KCNMA1: variants seen among roughly 807,000 people sequenced by gnomAD.
KCNMA1 encodes the protein potassium calcium-activated channel subfamily M alpha 1, also known as Calcium-activated potassium channel subunit alpha-1.
KCNMA1 carries 29 observed loss-of-function variants against 140.0 expected under a neutral mutation model. The ratio of observed to expected loss-of-function variants is 0.21; its 90% CI spans 0.15 to 0.28. The LOEUF (loss-of-function observed/expected upper bound fraction) is 0.28, where lower values mean the gene tolerates loss of function less well. Ranked by LOEUF, KCNMA1 falls within the 10% of genes least tolerant of loss-of-function variation. KCNMA1 has a pLI of 1.00. For missense variants in KCNMA1, 880 were observed against 1,602.2 expected (o/e 0.55, Z 7.70); for synonymous variants, 612 against 611.9 (o/e 1.00, Z 0.00).
At position 77,417,805 on chromosome 10, in the gene KCNMA1, C is replaced by A. The variant is rs535106640; in HGVS notation, c.379-13782G>T. On this transcript the variant is annotated intron_variant, in intron 1 of 27. Transcript: ENST00000286628. ...CTGTCCCAATTAGGTCGTCAGACAG[C>A]CTTTCCCCACACTTAAGATGATCCC... Among the ~76,000 whole-genome samples, 90 of 152,164 alleles carry A rather than the reference C, an allele frequency of 5.9e-4. 1 individual carries two copies. Among genetic ancestry groups the A allele is most frequent in the African/African-American group, 2.1e-3 (86 of 41,498 alleles).
intron 1 of KCNMA1, among the ~76,000 whole-genome samples, chr10:77,447,543 C>T (rs1239922413): frequency 6.6e-6 from 1 of 152,240 alleles, no homozygotes; most frequent in Non-Finnish European, 1.5e-5. Flanking sequence ...GGCACACTCA[C>T]AGCAGCTGCT....
intron 2 of KCNMA1, among the ~76,000 whole-genome samples, chr10:77,270,185 G>A (rs1033373804): frequency 1.6e-4 from 25 of 152,194 alleles, no homozygotes; most frequent in Non-Finnish European, 3.4e-4. Flanking sequence ...ACAGGCAAGG[G>A]CAGAAGGCAG....
At chr10:77,546,529 T>C (rs2061497524) in intron 1 of KCNMA1, among the ~76,000 whole-genome samples, 1 of 152,246 alleles carries the variant, frequency 6.6e-6, no homozygotes, top group Admixed American at 6.5e-5. Context: ...GAGCTATCCA[T>C]GTCCCAGGCC....
chr10:77,578,280 GA>G (rs1408326252), intron 1 of KCNMA1, among the ~76,000 whole-genome samples: 1 of 152,240 alleles, frequency 6.6e-6, no homozygotes, highest in African/African-American at 2.4e-5. Context: ...CTAAGGGTCA[GA>G]AAACCAGAAC....
intron 1 of KCNMA1, among the ~76,000 whole-genome samples, chr10:77,523,867 C>T (rs1306579771): frequency 2.6e-5 from 4 of 152,114 alleles, no homozygotes; most frequent in Non-Finnish European, 1.5e-5. Flanking sequence ...GAATGAATAA[C>T]ACCTACTATC....
At chr10:77,585,411 T>C (rs1204881386) in intron 1 of KCNMA1, among the ~76,000 whole-genome samples, 1 of 152,210 alleles carries the variant, frequency 6.6e-6, no homozygotes, top group East Asian at 1.9e-4. Flanking sequence ...ACAACATTTA[T>C]TTTACTCAAA....
chr10:77,072,744 G>C (rs2153709027), intron 14 of KCNMA1, among the ~76,000 whole-genome samples: 1 of 152,240 alleles, frequency 6.6e-6, no homozygotes, highest in South Asian at 2.1e-4. Context: ...TGATATAAAA[G>C]AGCAAAATGA....
At position 77,634,309 on chromosome 10, in the gene KCNMA1, C is replaced by G. The variant is rs148707579; in HGVS notation, c.378+2956G>C. ...GGAATGACTGTGACCAAGTTCCCAACAGGAGGAAATTGTAATGTTTTCTTC... is the reference window on the plus strand; with the variant it reads ...GGAATGACTGTGACCAAGTTCCCAAGAGGAGGAAATTGTAATGTTTTCTTC... On this transcript the variant is annotated intron_variant, in intron 1 of 27. Transcript: ENST00000286628. The G allele has an allele frequency of 1.6e-5, 16 of 985,440 alleles. No individual in the cohort carries two copies. The African/African-American group carries it at 1.9e-4, about 12-fold the overall frequency. The allele number at this position is 985,440 out of a possible 1,614,324, so 61.0% of individuals were successfully genotyped here. A position where few individuals can be genotyped will look rare whatever the true frequency, so the allele number is the denominator to read the frequency against.
intron 2 of KCNMA1, among the ~76,000 whole-genome samples, chr10:77,302,000 G>C (rs1038666279): frequency 1.3e-5 from 2 of 151,924 alleles, no homozygotes; most frequent in East Asian, 1.9e-4. Context: ...GCAAAGTGGA[G>C]ACAAGCTGCC....
At chr10:77,506,644 G>GGAGAGA (rs36130333) in intron 1 of KCNMA1, among the ~76,000 whole-genome samples, 2 of 37,898 alleles carry the variant, frequency 5.3e-5, no homozygotes, top group East Asian at 9.0e-4. Flanking sequence ...AGACAGAGAG[G>GGAGAGA]GAGAGAGAGA....
At chr10:77,218,597 G>C (rs530684036) in intron 3 of KCNMA1, among the ~76,000 whole-genome samples, 2 of 152,154 alleles carry the variant, frequency 1.3e-5, no homozygotes, top group African/African-American at 2.4e-5. Flanking sequence ...ATCCCATGTA[G>C]AGCCCGCAAA....
chr10:77,324,961 CTCTCTCTCTCTGTGTG>C (rs1309493411), intron 2 of KCNMA1, among the ~76,000 whole-genome samples: 1,653 of 132,316 alleles, frequency 0.012, 32 homozygotes, highest in African/African-American at 0.043. Context: ...CTCTCTCTCT[CTCTCTCTCTCTGTGTG>C]TGTGTGTGTG....
chr10:77,058,553 C>T (rs1051402367), intron 14 of KCNMA1, among the ~76,000 whole-genome samples: 2 of 151,830 alleles, frequency 1.3e-5, no homozygotes, highest in African/African-American at 4.8e-5. Flanking sequence ...TGAAATCATG[C>T]CAAGTAGGTT....
At chr10:77,469,091 G>A (rs1462735340) in intron 1 of KCNMA1, among the ~76,000 whole-genome samples, 1 of 152,106 alleles carries the variant, frequency 6.6e-6, no homozygotes, top group Non-Finnish European at 1.5e-5. Flanking sequence ...CTTGCATAAG[G>A]TTTCTTTTGC....
At chr10:77,600,635 C>A (rs2082313920) in intron 1 of KCNMA1, among the ~76,000 whole-genome samples, 1 of 152,146 alleles carries the variant, frequency 6.6e-6, no homozygotes, top group Non-Finnish European at 1.5e-5. Context: ...GTAATCCCAG[C>A]TACTCAGGAG....
At chr10:77,150,009 T>C (rs990512972) in intron 5 of KCNMA1, 1 of 152,142 alleles carries the variant, frequency 6.6e-6, no homozygotes, top group African/African-American at 2.4e-5. Flanking sequence ...ATCTCACAGA[T>C]AAGAAAAACT....
At chr10:77,316,052 G>A (rs1371766506) in intron 2 of KCNMA1, among the ~76,000 whole-genome samples, 1 of 152,140 alleles carries the variant, frequency 6.6e-6, no homozygotes, top group African/African-American at 2.4e-5. Flanking sequence ...TTAGAAACCT[G>A]GAGGCTCCCT....
At chr10:77,044,023 T>A (rs1226305676) in intron 14 of KCNMA1, among the ~76,000 whole-genome samples, 1 of 152,192 alleles carries the variant, frequency 6.6e-6, no homozygotes, top group Non-Finnish European at 1.5e-5. Flanking sequence ...AAAAGATTTT[T>A]AAAACCCTTA....
chr10:77,537,980 C>T (rs963473596), intron 1 of KCNMA1, among the ~76,000 whole-genome samples: 1 of 151,958 alleles, frequency 6.6e-6, no homozygotes, highest in Non-Finnish European at 1.5e-5. Flanking sequence ...TACACACGCA[C>T]ATACACACAC....
Sources: gnomAD v4.1 joint callset for allele counts (sites outside exome capture counted in the v4.1 genomes callset) on GRCh38, gnomAD v4.1.1 for gene constraint, MANE v1.5 for transcripts, NCBI Gene and HGNC (gene_info 2026-07-23, HGNC 2026-07-21) for gene names.